OSTC: variants seen among roughly 807,000 people sequenced by gnomAD.
OSTC encodes oligosaccharyltransferase complex subunit OSTC.
In OSTC, 16 loss-of-function variants were observed where a neutral mutation model predicts 16.4. That is an observed-to-expected ratio of 0.98 (90% confidence interval 0.66 to 1.49). The LOEUF is 1.49. Ranked by LOEUF, OSTC falls within the 40% of genes most tolerant of loss-of-function variation. OSTC has a pLI of 0.00. For missense variants in OSTC, 139 were observed against 186.3 expected (o/e 0.75, Z 1.48); for synonymous variants, 67 against 68.5 (o/e 0.98, Z 0.11).
rs922176169 is a variant in OSTC, at chr4:108,660,488, C to G, written c.431+2841C>G. 3.3e-5 allele frequency among the ~76,000 whole-genome samples: 5 copies of G among 152,200 alleles called. No homozygotes were observed. In the South Asian group the frequency reaches 8.3e-4, roughly 25 times the overall value. On this transcript the variant is annotated intron_variant, in intron 3 of 3. Transcript: ENST00000361564. ...GAGCAAGGACTGTTGGCCTGTATTA[C>G]ACACAACAGGGTTGTAGTTACTATC...
intron 3 of OSTC, among the ~76,000 whole-genome samples, chr4:108,658,941 A>T (rs1026668509): frequency 8.3e-5 from 12 of 143,752 alleles, no homozygotes; most frequent in Non-Finnish European, 1.8e-4. Context: ...GTGTGGCCAT[A>T]TAGCTGCTCA....
At chr4:108,666,173 A>G (rs1035148079) in intron 3 of OSTC, among the ~76,000 whole-genome samples, 56 of 151,932 alleles carry the variant, frequency 3.7e-4, no homozygotes, top group African/African-American at 1.3e-3. Flanking sequence ...CACTTTTTTG[A>G]AGTCTCAGAG....
At chr4:108,656,120 A>G (rs535596640) in intron 2 of OSTC, among the ~76,000 whole-genome samples, 2 of 152,298 alleles carry the variant, frequency 1.3e-5, no homozygotes, top group East Asian at 1.9e-4. Flanking sequence ...TTTTTGGACT[A>G]TACCCTGGTC....
chr4:108,666,575 G>C (rs551857481), intron 3 of OSTC, among the ~76,000 whole-genome samples: 1 of 152,064 alleles, frequency 6.6e-6, no homozygotes, highest in Non-Finnish European at 1.5e-5. Flanking sequence ...GCTGGGCGTG[G>C]TGGCGGTCAC....
intron 1 of OSTC, chr4:108,651,646 T>C (rs753697433): frequency 1.1e-4 from 16 of 152,338 alleles, no homozygotes; most frequent in Admixed American, 3.3e-4. Flanking sequence ...TGTGTACATT[T>C]AGATTTGGGG....
chr4:108,664,426 T>G (rs887656472), intron 3 of OSTC, among the ~76,000 whole-genome samples: 7 of 152,082 alleles, frequency 4.6e-5, no homozygotes, highest in African/African-American at 1.7e-4. Flanking sequence ...TACTACAGAG[T>G]GCAGATATTA....
In OSTC at chr4:108,657,537, G is replaced by A. The variant is rs150377790; in HGVS notation, c.321G>A (p.Ser107=). 1.5e-4 allele frequency: 235 copies of A among 1,613,540 alleles called. No homozygotes were observed. The African/African-American group carries it at 2.8e-3, about 19-fold the overall frequency. The change falls in exon 3 of 4, where the codon TCG becomes TCA. Residue 107 remains serine (S), a synonymous_variant. Coordinates refer to ENST00000361564, the MANE Select transcript of OSTC (RefSeq NM_021227.4). The stretch of plus-strand genomic sequence containing the variant: ...TAGGTTTCATAATCCTGGACCGATC[G>A]AATGCACCAAATATCCCAAAACTCA... ...GGLGFIILDR[S]NAPNIPKLNR... is the part of the protein sequence containing the mutation.
chr4:108,662,437 A>G (rs1392130586), intron 3 of OSTC, among the ~76,000 whole-genome samples: 4 of 152,210 alleles, frequency 2.6e-5, no homozygotes, highest in African/African-American at 4.8e-5. Context: ...GATAACTGTT[A>G]CTTGCTGGAC....
intron 1 of OSTC, among the ~76,000 whole-genome samples, chr4:108,652,409 T>G (rs969804631): frequency 1.3e-5 from 2 of 152,150 alleles, no homozygotes; most frequent in Non-Finnish European, 2.9e-5. Flanking sequence ...TTTTTTCTCC[T>G]GTTGATTATT....
chr4:108,667,221 T>C, intron 3 of OSTC, 26 bp from the exon 4 acceptor site: 3 of 1,596,180 alleles, frequency 1.9e-6, no homozygotes, highest in Middle Eastern at 3.3e-4. Context: ...TTTTCACTTT[T>C]TGTGCTTATA....
chr4:108,663,740 A>T (rs1726923341), intron 3 of OSTC, among the ~76,000 whole-genome samples: 2 of 152,218 alleles, frequency 1.3e-5, no homozygotes, highest in African/African-American at 4.8e-5. Context: ...AAATGCAATA[A>T]TGAATGTGGT....
intron 3 of OSTC, among the ~76,000 whole-genome samples, chr4:108,664,734 C>T (rs994478772): frequency 6.6e-6 from 1 of 151,878 alleles, no homozygotes; most frequent in Non-Finnish European, 1.5e-5. Flanking sequence ...GCTGGGACTA[C>T]AGGCATGCAC....
In OSTC at chr4:108,665,960, A is replaced by AG. The variant is rs142273980; in HGVS notation, c.432-1285dup. Among the ~76,000 whole-genome samples, 729 of 152,290 alleles carry AG rather than the reference A, an allele frequency of 4.8e-3. 4 individuals carry two copies. The highest frequency in any genetic ancestry group is 6.8e-3 in the Middle Eastern group (2 of 294). ...ATAGACTTTAAGGGTTTATTGCCAA[A>AG]GGAAAGGTTTGGAACTTTTATAACA... is the stretch of plus-strand genomic sequence containing the variant. On this transcript the variant is annotated intron_variant, in intron 3 of 3. Coordinates refer to ENST00000361564, the MANE Select transcript of OSTC (RefSeq NM_021227.4).
chr4:108,655,734 G>A, intron 2 of OSTC, 77 bp downstream of exon 2: 1 of 1,054,306 alleles, frequency 9.5e-7, no homozygotes. Flanking sequence ...TAAAAATAGA[G>A]TAAAACCTAT....
chr4:108,665,202 G>A (rs1006912059), intron 3 of OSTC, among the ~76,000 whole-genome samples: 9 of 152,152 alleles, frequency 5.9e-5, no homozygotes, highest in African/African-American at 1.4e-4. Context: ...TAAATCTTAC[G>A]TTACCAGTGA....
At chr4:108,660,291 A>G (rs1726822894) in intron 3 of OSTC, among the ~76,000 whole-genome samples, 1 of 152,214 alleles carries the variant, frequency 6.6e-6, no homozygotes, top group Non-Finnish European at 1.5e-5. Context: ...CTAGGATTTG[A>G]GTTTTTAAGA....
chr4:108,667,193 A>C, intron 3 of OSTC, 54 bp from the exon 4 acceptor site: 1 of 1,468,112 alleles, frequency 6.8e-7, no homozygotes, highest in Non-Finnish European at 9.4e-7. Flanking sequence ...TGATAATAAG[A>C]GAATATAAAA....
At chr4:108,656,629 C>A (rs983266952) in intron 2 of OSTC, among the ~76,000 whole-genome samples, 1 of 151,974 alleles carries the variant, frequency 6.6e-6, no homozygotes, top group Admixed American at 6.6e-5. Flanking sequence ...GTTTGTAGTT[C>A]ACTGAAGTTC....
At chr4:108,657,751 G>C in intron 3 of OSTC, 104 bp downstream of exon 3, 1 of 1,072,512 alleles carries the variant, frequency 9.3e-7, no homozygotes, top group Non-Finnish European at 1.3e-6. Flanking sequence ...ATTTACATGG[G>C]TGAAAAATCC....
Sources: allele counts gnomAD v4.1 joint callset (sites outside exome capture counted in the v4.1 genomes callset), GRCh38; gene constraint gnomAD v4.1.1; transcripts MANE v1.5; gene names NCBI Gene and HGNC (gene_info 2026-07-23, HGNC 2026-07-21).